BCL9: variants seen among roughly 807,000 people sequenced by gnomAD.
The protein encoded by BCL9 is BCL9 transcription coactivator.
In BCL9, 25 loss-of-function variants were observed where a neutral mutation model predicts 88.5. The ratio of observed to expected loss-of-function variants is 0.28; its 90% CI spans 0.21 to 0.39. The LOEUF is 0.39. Among genes scored for constraint, BCL9 ranks in the 10% least tolerant of loss-of-function variants. BCL9 has a pLI of 1.00. For missense variants in BCL9, 1,817 were observed against 1,877.8 expected (o/e 0.97, Z 0.60); for synonymous variants, 711 against 673.3 (o/e 1.06, Z -0.87).
chr1:147,558,807 C>T (rs1196887998), intron 1 of BCL9, among the ~76,000 whole-genome samples: 2 of 152,202 alleles, frequency 1.3e-5, no homozygotes, highest in East Asian at 3.8e-4. Flanking sequence ...TAAACAGAAG[C>T]ATTCAAAATT....
intron 1 of BCL9, among the ~76,000 whole-genome samples, chr1:147,604,032 A>C (rs1553201644): frequency 6.6e-6 from 1 of 152,196 alleles, no homozygotes; most frequent in African/African-American, 2.4e-5. Context: ...GTAATTTTTG[A>C]AGTAGTGTAT....
rs781871288 is a variant in BCL9 at position 147,619,359 on chromosome 1, C to T, written c.1204C>T (p.Pro402Ser). 6.2e-7 allele frequency: 1 copy of T among 1,614,018 alleles called. No homozygotes were observed. Among genetic ancestry groups the T allele is most frequent in the South Asian group, 1.1e-5 (1 of 91,070 alleles). ...PGVLDGPQKK[P>S]EGPIQAMMAQ... ...GGTATTAGATGGGCCTCAGAAAAAACCAGAAGGGCCAATACAGGCCATGAT... is the reference window on the plus strand; with the variant it reads ...GGTATTAGATGGGCCTCAGAAAAAATCAGAAGGGCCAATACAGGCCATGAT... Residue 402 changes from proline (P) to serine (S), a missense_variant, in exon 8 of 10, where the codon CCA (proline) becomes TCA (serine). Pro to Ser is a moderately conservative substitution (Grantham distance 74). This residue lies in a region of BCL9 where 1,228 missense variants were observed against 1,191.6 expected (regional missense o/e 1.03). Coordinates refer to ENST00000234739, the MANE Select transcript of BCL9 (RefSeq NM_004326.4). The surrounding 1 kb of genome is among the most constrained non-coding windows in gnomAD (Gnocchi z 4.1).
At chr1:147,600,531 G>A (rs782771722) in intron 1 of BCL9, among the ~76,000 whole-genome samples, 6 of 151,720 alleles carry the variant, frequency 4.0e-5, no homozygotes, top group African/African-American at 1.5e-4. Context: ...AGGAACCTGT[G>A]GGGGGAGGTG....
At chr1:147,574,005 T>C (rs1216450891) in intron 1 of BCL9, among the ~76,000 whole-genome samples, 1 of 152,190 alleles carries the variant, frequency 6.6e-6, no homozygotes, top group Non-Finnish European at 1.5e-5. Flanking sequence ...AGGGCTACTA[T>C]GTGCCAAGTA....
At chr1:147,584,700 C>A (rs1011239642) in intron 1 of BCL9, among the ~76,000 whole-genome samples, 4 of 152,206 alleles carry the variant, frequency 2.6e-5, no homozygotes, top group African/African-American at 7.2e-5. Flanking sequence ...CTCCCAGGTA[C>A]TACTCCTTTG....
chr1:147,625,004 A>C lies in BCL9; in HGVS notation c.*45A>C. On this transcript the variant is annotated 3_prime_UTR_variant, in exon 10 of 10. Coordinates refer to ENST00000234739, the MANE Select transcript of BCL9 (RefSeq NM_004326.4). Reference sequence around the variant, plus strand: ...CCGATCCTTGTCAAGATGAGATTCCAGGTCCTGAGAGCTGCTTTGAGGGAG... The same window carrying C: ...CCGATCCTTGTCAAGATGAGATTCCCGGTCCTGAGAGCTGCTTTGAGGGAG... 1 of 1,569,934 alleles carries C rather than the reference A, an allele frequency of 6.4e-7. No individual in the cohort carries two copies. Among genetic ancestry groups the C allele is most frequent in the African/African-American group, 1.3e-5 (1 of 74,258 alleles).
At chr1:147,616,257 CAA>C (rs1658280503) in intron 7 of BCL9, among the ~76,000 whole-genome samples, 1 of 152,008 alleles carries the variant, frequency 6.6e-6, no homozygotes, top group Non-Finnish European at 1.5e-5. Flanking sequence ...AGTTGAATAA[CAA>C]AGAAAGAACA....
chr1:147,620,562 C>T lies in BCL9; in HGVS notation c.2407C>T (p.Pro803Ser), dbSNP rs782524523. 1.2e-6 allele frequency: 2 copies of T among 1,613,506 alleles called. No homozygotes were observed. Among genetic ancestry groups the T allele is most frequent in the South Asian group, 2.2e-5 (2 of 90,992 alleles). Reference sequence around the variant, plus strand: ...CAGTGGCTTGCGGAATCTCAGAGAACCAATTGGGCCCGACCAGAGGACTAA... The same window carrying T: ...CAGTGGCTTGCGGAATCTCAGAGAATCAATTGGGCCCGACCAGAGGACTAA... ...SNSGLRNLRE[P>S]IGPDQRTNSR... is the part of the protein sequence containing the mutation. Residue 803 changes from proline (P) to serine (S), a missense_variant, in exon 8 of 10, where the codon CCA (proline) becomes TCA (serine). Around this residue, in one of 2 missense-constraint regions of BCL9, gnomAD observed 1,228 missense variants for 1,191.6 expected, o/e 1.03. Transcript: ENST00000234739.
In BCL9 at chr1:147,577,834, A is replaced by ATGTGTGTGTGTGTGTGTG. The variant is rs67428703; in HGVS notation, c.-477-26923_-477-26906dup. Among the ~76,000 whole-genome samples the ATGTGTGTGTGTGTGTGTG allele has an allele frequency of 4.1e-4, 58 of 141,144 alleles. No individual in the cohort carries two copies. The East Asian group carries it at 4.1e-3, about 10-fold the overall frequency. The allele number at this position is 141,144 out of a possible 152,430, so 92.6% of individuals were successfully genotyped here. ...CAGTGCTTCTAAAGTTTTTCTACCA[A>ATGTGTGTGTGTGTGTGTG]TGTGTGTGTGTGTGTGTGTGTGTGT... is the stretch of plus-strand genomic sequence containing the variant. On this transcript the variant is annotated intron_variant, in intron 1 of 9. Coordinates refer to ENST00000234739, the MANE Select transcript of BCL9 (RefSeq NM_004326.4).
At chr1:147,583,945 G>T (rs1322738094) in intron 1 of BCL9, among the ~76,000 whole-genome samples, 2 of 151,954 alleles carry the variant, frequency 1.3e-5, no homozygotes, top group African/African-American at 4.8e-5. Context: ...TGACAAGAGC[G>T]AGACTCTGTC....
intron 1 of BCL9, among the ~76,000 whole-genome samples, chr1:147,549,419 A>G (rs1025020267): frequency 6.6e-6 from 1 of 152,176 alleles, no homozygotes; most frequent in East Asian, 1.9e-4. Context: ...AAGTTTGCCT[A>G]TCTTACCTGC....
intron 1 of BCL9, among the ~76,000 whole-genome samples, chr1:147,554,979 A>G (rs587753746): frequency 1.3e-4 from 20 of 152,306 alleles, no homozygotes; most frequent in African/African-American, 4.8e-4. Context: ...TTAGAAGTAT[A>G]AAACATTTTC....
chr1:147,579,041 C>T (rs1191128206), intron 1 of BCL9, among the ~76,000 whole-genome samples: 1 of 151,902 alleles, frequency 6.6e-6, no homozygotes, highest in Non-Finnish European at 1.5e-5. Context: ...AATTTTTGTA[C>T]TTTTAGTAGA....
chr1:147,593,267 C>T (rs1167924505), intron 1 of BCL9, among the ~76,000 whole-genome samples: 1 of 152,192 alleles, frequency 6.6e-6, no homozygotes, highest in East Asian at 1.9e-4. Context: ...AATGTATCTC[C>T]TATGATTGCT....
chr1:147,612,008 G>A, intron 4 of BCL9, 119 bp downstream of exon 4: 2 of 1,050,252 alleles, frequency 1.9e-6, no homozygotes, highest in Non-Finnish European at 2.9e-6. Context: ...AAATGGGAAA[G>A]GAAGAGAAAA....
At chr1:147,596,400 T>A (rs1657049196) in intron 1 of BCL9, among the ~76,000 whole-genome samples, 1 of 1,348 alleles carries the variant, frequency 7.4e-4, no homozygotes, top group Non-Finnish European at 1.8e-3. Flanking sequence ...TAGATTGACT[T>A]TCTTTTTTTT....
intron 1 of BCL9, among the ~76,000 whole-genome samples, chr1:147,570,679 A>G (rs1428545418): frequency 3.4e-5 from 4 of 116,588 alleles, no homozygotes; most frequent in Non-Finnish European, 6.6e-5. Context: ...CTTGTTGCAT[A>G]GGCTGGTGTG....
intron 1 of BCL9, among the ~76,000 whole-genome samples, chr1:147,572,359 C>T (rs1655925366): frequency 6.6e-6 from 1 of 152,194 alleles, no homozygotes; most frequent in Non-Finnish European, 1.5e-5. Flanking sequence ...GACTAAAGTC[C>T]AGGCATGGAG....
chr1:147,553,297 C>T (rs1166353152), intron 1 of BCL9, among the ~76,000 whole-genome samples: 1 of 152,172 alleles, frequency 6.6e-6, no homozygotes, highest in Non-Finnish European at 1.5e-5. Context: ...CTTTACTTAG[C>T]TTCTCTTTTC....
Sources: allele counts gnomAD v4.1 joint callset (sites outside exome capture counted in the v4.1 genomes callset), GRCh38; gene constraint gnomAD v4.1.1; regional missense constraint gnomAD v4.1.1; non-coding constraint Gnocchi (gnomAD v3.1); transcripts MANE v1.5; gene names NCBI Gene and HGNC (gene_info 2026-07-23, HGNC 2026-07-21).